Variants in TCF20 observed in about 807,000 individuals in gnomAD.
TCF20 encodes SPRE-binding protein.
Under a neutral mutation model 148.6 loss-of-function variants are expected in TCF20, and 3 were observed. The ratio of observed to expected loss-of-function variants is 0.02; its 90% confidence interval spans 0.01 to 0.05. The LOEUF is 0.05. TCF20 is among the 10% of genes least tolerant of loss of function. The pLI, the probability that TCF20 is intolerant of heterozygous loss-of-function variation, is 1.00. For synonymous variants in TCF20, 1,049 were observed against 909.5 expected, an observed-to-expected ratio of 1.15 and a Z score of -2.76; for missense variants, 2,350 against 2,429.3, an observed-to-expected ratio of 0.97 and a Z score of 0.69.
Position 42,214,379 on chromosome 22 carries a change from G to A in TCF20, c.927C>T (p.Thr309=), listed in dbSNP as rs778392834. 1 of 1,613,950 alleles carries A rather than the reference G, an allele frequency of 6.2e-7. No individual in the cohort carries two copies. The highest frequency in any genetic ancestry group is 1.1e-5 in the South Asian group (1 of 91,076). The change falls in exon 2 of 6, where the codon ACC becomes ACT. Residue 309 remains threonine (T), a synonymous_variant. Transcript: ENST00000677622. ...NFEQAKIPQG[T]QQGQQQQQPQ... The stretch of plus-strand genomic sequence containing the variant: ...GTTGCTGCTGCTGCTGCCCCTGTTG[G>A]GTCCCTTGTGGAATCTTTGCCTGTT...
Position 42,214,556 on chromosome 22 carries a change from T to C in TCF20, c.750A>G (p.Pro250=). The change falls in exon 2 of 6, where the codon CCA becomes CCG. Residue 250 remains proline (P), a synonymous_variant. Coordinates refer to ENST00000677622, the MANE Select transcript of TCF20 (RefSeq NM_001378418.1). ...SSSSSSSFPS[P]QRFSQSGQSY... is the part of the protein sequence containing the mutation. The stretch of plus-strand genomic sequence containing the variant: ...TCTGTCCAGACTGGCTAAAACGCTG[T>C]GGTGAAGGGAAGGAGGAGGAGGAGG... The C allele has an allele frequency of 1.9e-6, 3 of 1,613,964 alleles. No homozygotes were observed. The highest frequency in any genetic ancestry group is 1.7e-5 in the Admixed American group (1 of 60,004).
intron 2 of TCF20, among the ~76,000 whole-genome samples, chr22:42,196,739 C>A (rs1937614318): frequency 6.6e-6 from 1 of 151,090 alleles, no homozygotes; most frequent in African/African-American, 2.4e-5. Flanking sequence ...CTAGAAACTT[C>A]CACTAGCTGC....
intron 1 of TCF20, among the ~76,000 whole-genome samples, chr22:42,238,523 A>T (rs1274087971): frequency 6.6e-6 from 1 of 152,250 alleles, no homozygotes; most frequent in African/African-American, 2.4e-5. Flanking sequence ...TAGGCCTAGT[A>T]TTCAGCCTAT....
At chr22:42,257,854 C>T (rs1310124621) in intron 1 of TCF20, among the ~76,000 whole-genome samples, 1 of 152,186 alleles carries the variant, frequency 6.6e-6, no homozygotes, top group Non-Finnish European at 1.5e-5. Flanking sequence ...ATGAGAGTGC[C>T]CCCCTGCCGC....
At chr22:42,201,715 C>T (rs1938035935) in intron 2 of TCF20, among the ~76,000 whole-genome samples, 2 of 151,996 alleles carry the variant, frequency 1.3e-5, no homozygotes, top group African/African-American at 4.8e-5. Flanking sequence ...TTTCAGTGAG[C>T]CGAAATTGTG....
chr22:42,188,678 A>G (rs1937177926), intron 2 of TCF20, among the ~76,000 whole-genome samples: 1 of 152,196 alleles, frequency 6.6e-6, no homozygotes, highest in South Asian at 2.1e-4. Flanking sequence ...GGTGCCTTTT[A>G]TTCTCAGGGC....
intron 2 of TCF20, among the ~76,000 whole-genome samples, chr22:42,196,717 A>C (rs1937613265): frequency 6.6e-6 from 1 of 152,154 alleles, no homozygotes; most frequent in African/African-American, 2.4e-5. Flanking sequence ...TGTTAGATGA[A>C]TATACATTTT....
chr22:42,287,333 T>A (rs1033754486), upstream of TCF20, among the ~76,000 whole-genome samples: 20 of 152,210 alleles, frequency 1.3e-4, 1 homozygote, highest in South Asian at 3.1e-3. Context: ...GCTGGAATCA[T>A]CTAGTTCAAC....
chr22:42,218,342 C>CA (rs1333698732), intron 1 of TCF20, among the ~76,000 whole-genome samples: 3 of 152,196 alleles, frequency 2.0e-5, no homozygotes, highest in Admixed American at 6.5e-5. Context: ...TCTGTCCCTT[C>CA]ACTGCCACCC....
intron 1 of TCF20, among the ~76,000 whole-genome samples, chr22:42,225,874 T>C (rs2147261631): frequency 6.6e-6 from 1 of 152,164 alleles, no homozygotes; most frequent in African/African-American, 2.4e-5. Context: ...GCACACAGGG[T>C]CACTAGCTCA....
intron 1 of TCF20, among the ~76,000 whole-genome samples, chr22:42,313,597 C>CTT (rs551146210): frequency 0.051 from 6,123 of 120,228 alleles, 285 homozygotes; most frequent in East Asian, 0.11. Flanking sequence ...AGAATTCTTT[C>CTT]TTTTTTTTTT....
At chr22:42,165,956 C>G (rs1055085579) in intron 5 of TCF20, among the ~76,000 whole-genome samples, 2 of 152,238 alleles carry the variant, frequency 1.3e-5, no homozygotes, top group African/African-American at 4.8e-5. Flanking sequence ...TGTTCCCTGC[C>G]TTGTCAGGGC....
At chr22:42,332,487 T>C (rs1417137498) in intron 1 of TCF20, among the ~76,000 whole-genome samples, 3 of 152,092 alleles carry the variant, frequency 2.0e-5, no homozygotes, top group Non-Finnish European at 2.9e-5. Context: ...CAAATACCAG[T>C]TCAGCCAATT....
chr22:42,324,606 G>A (rs765642568), intron 1 of TCF20, among the ~76,000 whole-genome samples: 50 of 144,728 alleles, frequency 3.5e-4, no homozygotes, highest in Non-Finnish European at 6.3e-4. Context: ...CATCCGAGAA[G>A]ATAATCTCCA....
intron 1 of TCF20, among the ~76,000 whole-genome samples, chr22:42,242,218 A>AAAAAAAAAAAAAAAAC (rs1555942526): frequency 8.4e-5 from 12 of 142,688 alleles, no homozygotes; most frequent in African/African-American, 2.2e-4. Context: ...AAAAAAAAAA[A>AAAAAAAAAAAAAAAAC]AAAAAAAAAC....
chr22:42,207,516 CTT>C (rs1383258259), intron 2 of TCF20, among the ~76,000 whole-genome samples: 3 of 152,152 alleles, frequency 2.0e-5, no homozygotes, highest in Non-Finnish European at 4.4e-5. Flanking sequence ...CTCTTTCTCT[CTT>C]AAAAATATAA....
At chr22:42,174,521 G>C (rs1936320514) in intron 3 of TCF20, among the ~76,000 whole-genome samples, 1 of 152,118 alleles carries the variant, frequency 6.6e-6, no homozygotes, top group Non-Finnish European at 1.5e-5. Flanking sequence ...ACCCAGCTGC[G>C]AACTGGGAGA....
chr22:42,225,293 C>T (rs1049955804), intron 1 of TCF20, among the ~76,000 whole-genome samples: 1 of 151,984 alleles, frequency 6.6e-6, no homozygotes, highest in Non-Finnish European at 1.5e-5. Context: ...CAGTGCTCAG[C>T]CAAAATGTCA....
chr22:42,188,019 C>A (rs947822743), intron 2 of TCF20, among the ~76,000 whole-genome samples: 1 of 151,988 alleles, frequency 6.6e-6, no homozygotes, highest in Non-Finnish European at 1.5e-5. Flanking sequence ...TCAGGCCGGG[C>A]ATGGTGGCTC....
Sources: gnomAD v4.1 joint callset for allele counts (sites outside exome capture counted in the v4.1 genomes callset) on GRCh38, gnomAD v4.1.1 for gene constraint, MANE v1.5 for transcripts, NCBI Gene and HGNC (gene_info 2026-07-23, HGNC 2026-07-21) for gene names.